NF1: variants seen among roughly 807,000 people sequenced by gnomAD.
NF1 encodes the protein neurofibromin.
Under a neutral mutation model 325.7 loss-of-function variants are expected in NF1, and 122 were observed. The observed-to-expected ratio is 0.37, with a 90% confidence interval of 0.32 to 0.44. The LOEUF is 0.44. Among genes scored for constraint, NF1 ranks in the 20% least tolerant of loss-of-function variants. NF1 has a pLI of 1.00. For missense variants in NF1, 2,140 were observed against 3,415.4 expected, an observed-to-expected ratio of 0.63 and a Z score of 9.31; for synonymous variants, 1,091 against 1,186.0, an observed-to-expected ratio of 0.92 and a Z score of 1.65.
In NF1 at chr17:31,185,979, T is replaced by C. The variant is rs568790024; in HGVS notation, c.888+3314T>C. On this transcript the variant is annotated intron_variant, in intron 8 of 57. Transcript: ENST00000358273. ...TGAGATACAGCTCTTGACCTGTTAC[T>C]GGGCTTTGGTGGAAACGGAATGTTT... is the stretch of plus-strand genomic sequence containing the variant. Among the ~76,000 whole-genome samples the C allele has an allele frequency of 2.0e-5, 3 of 152,316 alleles. No individual in the cohort carries two copies. In the East Asian group the frequency reaches 5.8e-4, roughly 29 times the overall value.
Position 31,230,302 on chromosome 17 carries a change from A to G in NF1, c.3033A>G (p.Ile1011Met), listed in dbSNP as rs2151431575. Residue 1011 changes from isoleucine to methionine, a missense_variant, in exon 23 of 58, where the codon ATA becomes ATG. By Grantham distance (10) the Ile-to-Met change is conservative. Transcript: ENST00000358273. ...VLGNMVHAIQ[I>M]KTKLCQLVEV... The stretch of plus-strand genomic sequence containing the variant: ...GGAATATGGTCCATGCAATTCAAAT[A>G]AAAACGAAACTGTGTCAATTAGTTG... 1 of 1,613,522 alleles carries G rather than the reference A, an allele frequency of 6.2e-7. No homozygotes were observed. Among genetic ancestry groups the G allele is most frequent in the Non-Finnish European group, 8.5e-7 (1 of 1,179,584 alleles).
chr17:31,194,694 A>G (rs1481461967), intron 8 of NF1, among the ~76,000 whole-genome samples: 5 of 152,046 alleles, frequency 3.3e-5, no homozygotes, highest in African/African-American at 1.2e-4. Flanking sequence ...AGGGCCCTGA[A>G]CTCTAGTTTT....
chr17:31,362,441 T>C (rs955169196), intron 57 of NF1: 22 of 710,920 alleles, frequency 3.1e-5, no homozygotes, highest in Non-Finnish European at 3.3e-5. Context: ...AACTGCTTTA[T>C]ACAGTTCTTA....
intron 1 of NF1, among the ~76,000 whole-genome samples, chr17:31,108,276 T>G (rs1362006979): frequency 2.2e-5 from 3 of 138,398 alleles, no homozygotes; most frequent in African/African-American, 8.4e-5. Flanking sequence ...TTTTTTTTTT[T>G]TTTTTTTTTT....
intron 38 of NF1, among the ~76,000 whole-genome samples, chr17:31,329,768 A>G (rs1249963615): frequency 6.6e-6 from 1 of 152,176 alleles, no homozygotes; most frequent in African/African-American, 2.4e-5. Context: ...TTTGTAGGGT[A>G]ACTTTTAGGA....
At chr17:31,112,259 C>T (rs1913483737) in intron 1 of NF1, among the ~76,000 whole-genome samples, 1 of 152,098 alleles carries the variant, frequency 6.6e-6, no homozygotes. Context: ...ATATACATGA[C>T]TGTCATTTCT....
intron 36 of NF1, among the ~76,000 whole-genome samples, chr17:31,310,357 GA>G (rs201712643): frequency 1.1e-4 from 16 of 146,506 alleles, no homozygotes; most frequent in African/African-American, 2.0e-4. Flanking sequence ...ATAAACAGGT[GA>G]AAAAAAAAGC....
At chr17:31,214,675 G>C (rs2066790089) in intron 13 of NF1, 90 bp downstream of exon 13, 1 of 1,291,004 alleles carries the variant, frequency 7.7e-7, no homozygotes, top group Non-Finnish European at 1.1e-6. Context: ...ATAATTTTTA[G>C]CTCAAGAGCA....
intron 57 of NF1, chr17:31,361,608 C>T (rs1482022915): frequency 6.6e-6 from 1 of 152,128 alleles, no homozygotes; most frequent in African/African-American, 2.4e-5. Context: ...GAAAAGTTCA[C>T]TTATGAAACA....
At position 31,296,213 on chromosome 17, in the gene NF1, T is replaced by C. The variant is rs1411164461; in HGVS notation, c.4836-29607T>C. Reference sequence around the variant, plus strand: ...TGTAGACAAGTTTCTGCCTGAACAGTCCACATGCCTGTGCCTCTCTGTGCA... The same window carrying C: ...TGTAGACAAGTTTCTGCCTGAACAGCCCACATGCCTGTGCCTCTCTGTGCA... On this transcript the variant is annotated intron_variant, in intron 36 of 57. Coordinates refer to ENST00000358273, the MANE Select transcript of NF1 (RefSeq NM_001042492.3). 28 of 1,614,000 alleles carry C rather than the reference T, an allele frequency of 1.7e-5. No homozygotes were observed. The Admixed American group carries it at 4.5e-4, about 26-fold the overall frequency.
At chr17:31,119,099 A>G (rs1251770806) in intron 1 of NF1, among the ~76,000 whole-genome samples, 1 of 151,854 alleles carries the variant, frequency 6.6e-6, no homozygotes, top group East Asian at 1.9e-4. Flanking sequence ...GTGCCACCAC[A>G]CCCAGCTAAT....
At chr17:31,318,055 C>T in intron 36 of NF1, 3 of 439,222 alleles carry the variant, frequency 6.8e-6, no homozygotes, top group Admixed American at 4.0e-5. Context: ...TCAATTTATC[C>T]TTAAAATTTT....
intron 1 of NF1, among the ~76,000 whole-genome samples, chr17:31,130,323 G>A (rs539684150): frequency 9.8e-5 from 15 of 152,302 alleles, no homozygotes; most frequent in African/African-American, 2.9e-4. Flanking sequence ...CAATACTCCC[G>A]TGGGTTGTGC....
At chr17:31,137,027 A>C (rs944285353) in intron 1 of NF1, 2 of 152,124 alleles carry the variant, frequency 1.3e-5, no homozygotes, top group Non-Finnish European at 2.9e-5. Flanking sequence ...CTATTTCACT[A>C]TCTGTCTGCT....
chr17:31,179,920 C>T (rs536393498), intron 5 of NF1, among the ~76,000 whole-genome samples: 2 of 152,132 alleles, frequency 1.3e-5, no homozygotes, highest in South Asian at 4.2e-4. Context: ...AAAGGGATAT[C>T]ACCACCGATC....
rs556631402 is a variant in NF1, at chr17:31,116,153, T to C, written c.60+20784T>C. Among the ~76,000 whole-genome samples the C allele has an allele frequency of 9.9e-5, 15 of 152,272 alleles. No homozygotes were observed. The South Asian group carries it at 1.9e-3, about 19-fold the overall frequency. Reference sequence around the variant, plus strand: ...TCTACCAGATAGAAATCCATTGTTATGGGTTGTATGGTTGAAAACTTTTTA... The same window carrying C: ...TCTACCAGATAGAAATCCATTGTTACGGGTTGTATGGTTGAAAACTTTTTA... On this transcript the variant is annotated intron_variant, in intron 1 of 57. Coordinates refer to ENST00000358273, the MANE Select transcript of NF1 (RefSeq NM_001042492.3).
rs771481863 is a variant in NF1 at position 31,223,415 on chromosome 17, T to C, written c.1722-29T>C. Reference sequence around the variant, plus strand: ...ATCTGCATTAGGTTATTGATGATGCTAGTAACAATGAACTTTATGTTACTG... The same window carrying C: ...ATCTGCATTAGGTTATTGATGATGCCAGTAACAATGAACTTTATGTTACTG... On this transcript the variant is annotated intron_variant, in intron 15 of 57. Transcript: ENST00000358273. 3.1e-6 allele frequency: 5 copies of C among 1,608,068 alleles called. No individual in the cohort carries two copies. In the Admixed American group the frequency reaches 5.0e-5, roughly 16 times the overall value.
At position 31,182,554 on chromosome 17, in the gene NF1, C is replaced by T. The variant is rs1396686783; in HGVS notation, c.777C>T (p.Ser259=). Residue 259 remains serine (S), a synonymous_variant, in exon 8 of 58, where the codon AGC becomes AGT. Transcript: ENST00000358273. ...ACTTGGTGGATGGTTTTGCTGAAAG[C>T]ACCAAACGTAAAGCAGCAGTTTGGC... ...LFDLVDGFAE[S]TKRKAAVWPL... 1.2e-6 allele frequency: 2 copies of T among 1,614,048 alleles called. No individual in the cohort carries two copies. The highest frequency in any genetic ancestry group is 1.1e-5 in the South Asian group (1 of 91,068).
At chr17:31,126,791 T>G (rs1914922557) in intron 1 of NF1, among the ~76,000 whole-genome samples, 1 of 152,160 alleles carries the variant, frequency 6.6e-6, no homozygotes, top group Non-Finnish European at 1.5e-5. Flanking sequence ...AATTTATGAT[T>G]GGATTAAAAA....
Sources: gnomAD v4.1 joint callset for allele counts (sites outside exome capture counted in the v4.1 genomes callset) on GRCh38, gnomAD v4.1.1 for gene constraint, MANE v1.5 for transcripts, NCBI Gene and HGNC (gene_info 2026-07-23, HGNC 2026-07-21) for gene names.